The following CHFR variants were observed in gnomAD, a reference collection of about 807,000 sequenced individuals.
The protein encoded by CHFR is checkpoint with forkhead and ring finger domains, also known as E3 ubiquitin-protein ligase CHFR.
In CHFR, 57 loss-of-function variants were observed where a neutral mutation model predicts 87.6. That is an observed-to-expected ratio of 0.65 (90% confidence interval 0.53 to 0.81). CHFR has a LOEUF of 0.81. Ranked by LOEUF, CHFR falls within the 30% of genes least tolerant of loss-of-function variation. CHFR has a pLI of 0.00. For missense variants in CHFR, 797 were observed against 865.8 expected (o/e 0.92, Z 1.00); for synonymous variants, 381 against 359.2 (o/e 1.06, Z -0.69).
At chr12:132,847,010 C>A in intron 15 of CHFR, 33 bp downstream of exon 15, 3 of 1,511,722 alleles carry the variant, frequency 2.0e-6, no homozygotes, top group South Asian at 2.2e-5. Flanking sequence ...CACTCACATG[C>A]GCCTTAGAGC....
intron 2 of CHFR, among the ~76,000 whole-genome samples, chr12:132,881,038 G>T (rs1369644450): frequency 1.3e-5 from 2 of 152,100 alleles, no homozygotes; most frequent in African/African-American, 4.8e-5. Flanking sequence ...TGGCCAAGGC[G>T]GGCGGATCAC....
Position 132,839,079 on chromosome 12 carries a change from T to G in CHFR, c.*2475A>C, listed in dbSNP as rs952496090. 2 of 152,282 alleles carry G rather than the reference T, an allele frequency of 1.3e-5. No homozygotes were observed. Among genetic ancestry groups the G allele is most frequent in the Non-Finnish European group, 2.9e-5 (2 of 68,100 alleles). 9.4% of individuals were successfully genotyped at this position (152,282 alleles called of 1,614,324 possible). ...CCTAGGACACCTGGAGCCCAGAGGC[T>G]CTCTGAGCTGCCTGCCCTTCCTGGA... On this transcript the variant is annotated 3_prime_UTR_variant, in exon 18 of 18. Transcript: ENST00000450056.
chr12:132,858,051 T>C (rs1951122728), intron 8 of CHFR, among the ~76,000 whole-genome samples: 1 of 152,184 alleles, frequency 6.6e-6, no homozygotes, highest in South Asian at 2.1e-4. Context: ...TCCTTGTTGG[T>C]GCCACGAGTA....
chr12:132,842,872 AG>A, intron 17 of CHFR, 138 bp downstream of exon 17: 1 of 710,758 alleles, frequency 1.4e-6, no homozygotes, highest in South Asian at 1.6e-5. Flanking sequence ...AAGGAAGAGC[AG>A]GATTTCTAAA....
chr12:132,876,781 C>T (rs1951639988), intron 3 of CHFR, among the ~76,000 whole-genome samples: 1 of 152,178 alleles, frequency 6.6e-6, no homozygotes, highest in East Asian at 1.9e-4. Flanking sequence ...ACAGTCATGC[C>T]CCAGATAATA....
At chr12:132,866,113 G>A (rs1951330065) in intron 6 of CHFR, 1 of 152,240 alleles carries the variant, frequency 6.6e-6, no homozygotes, top group South Asian at 2.1e-4. Context: ...GTAGAAACTT[G>A]TCTGTCATGG....
At chr12:132,877,748 G>T in intron 2 of CHFR, 94 bp from the exon 3 acceptor site, 1 of 692,448 alleles carries the variant, frequency 1.4e-6, no homozygotes, top group Non-Finnish European at 2.4e-6. Flanking sequence ...TTCCAACTCA[G>T]GATCCCCATT....
chr12:132,844,953 A>G (rs1050774503), intron 15 of CHFR, among the ~76,000 whole-genome samples: 1 of 136,234 alleles, frequency 7.3e-6, no homozygotes, highest in Non-Finnish European at 1.7e-5. Flanking sequence ...ATAAAATTTA[A>G]ATATTAAAAC....
chr12:132,858,986 G>T, intron 8 of CHFR, 82 bp downstream of exon 8: 2 of 1,386,758 alleles, frequency 1.4e-6, no homozygotes, highest in South Asian at 1.4e-5. Flanking sequence ...CTGCAGGCTT[G>T]TCTCATGCCC....
intron 10 of CHFR, chr12:132,854,770 C>A (rs10781659): frequency 0.15 from 23,115 of 151,884 alleles, 2,271 homozygotes; most frequent in South Asian, 0.22. Context: ...CCAGCCACTG[C>A]ACTCCAGCCT....
intron 6 of CHFR, among the ~76,000 whole-genome samples, chr12:132,865,557 G>A (rs886293560): frequency 3.3e-5 from 5 of 151,502 alleles, no homozygotes; most frequent in Admixed American, 6.6e-5. Context: ...ATTTTCAGTA[G>A]AGACGGGGTT....
chr12:132,869,767 G>A lies in CHFR; in HGVS notation c.435C>T (p.Ala145=), dbSNP rs1265155365. The A allele has an allele frequency of 1.2e-5, 18 of 1,551,226 alleles. No individual in the cohort carries two copies. The highest frequency in any genetic ancestry group is 2.0e-5 in the Admixed American group (1 of 50,974). ...GCGACGACGGAGGGACCCGGGGATC[G>A]GCCCCTCGCCCTGCACCTGCACCTG... ...DTSGAGAGRG[A]DPRVPPSSPA... The change falls in exon 6 of 18, where the codon GCC becomes GCT. Residue 145 remains alanine (A), a synonymous_variant. Transcript: ENST00000450056.
At chr12:132,880,936 G>C (rs1951753876) in intron 2 of CHFR, among the ~76,000 whole-genome samples, 1 of 152,138 alleles carries the variant, frequency 6.6e-6, no homozygotes, top group Admixed American at 6.5e-5. Context: ...CTGCACTCCA[G>C]CCTGGGCGAC....
rs1038860837 is a variant in CHFR at position 132,869,815 on chromosome 12, C to G, written c.404-17G>C. ...CTGAGGTATCTTTGGTCCCATGGAA[C>G]ACATTTTCCTTGTTAGCTTCTGTAA... On this transcript the variant is annotated splice_polypyrimidine_tract_variant and intron_variant, in intron 5 of 17. Transcript: ENST00000450056. 1.3e-6 allele frequency: 2 copies of G among 1,551,230 alleles called. No individual in the cohort carries two copies. Among genetic ancestry groups the G allele is most frequent in the Non-Finnish European group, 1.7e-6 (2 of 1,146,950 alleles).
chr12:132,856,705 G>A, intron 9 of CHFR, 75 bp from the exon 10 acceptor site: 2 of 1,505,710 alleles, frequency 1.3e-6, no homozygotes, highest in African/African-American at 1.4e-5. Context: ...ACTGCTGGGA[G>A]CTCGCGTGCG....
intron 6 of CHFR, chr12:132,862,256 CAA>C (rs1339645809): frequency 8.1e-6 from 2 of 245,590 alleles, no homozygotes; most frequent in African/African-American, 4.7e-5. Flanking sequence ...GCCTGGGCAA[CAA>C]GAGCGAAACT....
chr12:132,857,687 C>G, intron 8 of CHFR, 128 bp from the exon 9 acceptor site: 1 of 841,578 alleles, frequency 1.2e-6, no homozygotes, highest in Non-Finnish European at 1.8e-6. Flanking sequence ...CCTAAAAACC[C>G]TTTAAGTCAG....
At chr12:132,882,024 C>T (rs921366405) in intron 2 of CHFR, among the ~76,000 whole-genome samples, 1 of 152,186 alleles carries the variant, frequency 6.6e-6, no homozygotes, top group Non-Finnish European at 1.5e-5. Context: ...ACACTGGCCA[C>T]GTGGCCCAGC....
chr12:132,848,424 G>A (rs944308950), intron 13 of CHFR: 27 of 707,726 alleles, frequency 3.8e-5, no homozygotes, highest in Non-Finnish European at 6.1e-5. Context: ...TCTGTCCTGG[G>A]AGTATCTCCC....
Sources: gnomAD v4.1 joint callset for allele counts (sites outside exome capture counted in the v4.1 genomes callset) on GRCh38, gnomAD v4.1.1 for gene constraint, MANE v1.5 for transcripts, NCBI Gene and HGNC (gene_info 2026-07-23, HGNC 2026-07-21) for gene names.